TRPC4: variants seen among roughly 807,000 people sequenced by gnomAD.
The protein encoded by TRPC4 is transient receptor potential cation channel subfamily C member 4, also known as short transient receptor potential channel 4.
Under a neutral mutation model 99.4 loss-of-function variants are expected in TRPC4, and 49 were observed. The ratio of observed to expected loss-of-function variants is 0.49; its 90% CI spans 0.39 to 0.63. TRPC4 has a LOEUF of 0.63. Ranked by LOEUF, TRPC4 falls within the 20% of genes least tolerant of loss-of-function variation. The pLI, the probability that TRPC4 is intolerant of heterozygous loss-of-function variation, is 0.00. For missense variants in TRPC4, 898 were observed against 1,152.9 expected, an observed-to-expected ratio of 0.78 and a Z score of 3.20; for synonymous variants, 454 against 425.9, an observed-to-expected ratio of 1.07 and a Z score of -0.81.
intron 3 of TRPC4, among the ~76,000 whole-genome samples, chr13:37,744,331 G>T (rs1020723332): frequency 6.6e-6 from 1 of 152,058 alleles, no homozygotes; most frequent in African/African-American, 2.4e-5. Flanking sequence ...TCTTATCATT[G>T]TGTAGTAAAA....
intron 3 of TRPC4, among the ~76,000 whole-genome samples, chr13:37,724,398 A>T (rs1300891250): frequency 5.3e-5 from 8 of 152,208 alleles, no homozygotes; most frequent in Non-Finnish European, 1.2e-4. Context: ...TGAATTAGAA[A>T]TGGTAAAAAG....
intron 5 of TRPC4, among the ~76,000 whole-genome samples, chr13:37,673,959 C>T (rs1335052744): frequency 6.6e-6 from 1 of 152,066 alleles, no homozygotes; most frequent in African/African-American, 2.4e-5. Context: ...AGAGCAGTTA[C>T]TGTGAATAGT....
At chr13:37,638,787 A>G (rs1469759258) in intron 10 of TRPC4, among the ~76,000 whole-genome samples, 1 of 152,210 alleles carries the variant, frequency 6.6e-6, no homozygotes, top group African/African-American at 2.4e-5. Flanking sequence ...TCACTCTGGG[A>G]TCAGGTAAGT....
chr13:37,747,974 C>T (rs1329732508), intron 2 of TRPC4, among the ~76,000 whole-genome samples: 1 of 152,086 alleles, frequency 6.6e-6, no homozygotes, highest in African/African-American at 2.4e-5. Flanking sequence ...ACCAAGATGG[C>T]TCTTAAGTGA....
At position 37,721,915 on chromosome 13, in the gene TRPC4, G is replaced by T. The variant is rs564399376; in HGVS notation, c.897+24022C>A. ...GCCTCCCAAAATGCTGAGATGACAG[G>T]TGTGAGCCACCACACCTGTGGCCTA... On this transcript the variant is annotated intron_variant, in intron 3 of 10. Transcript: ENST00000379705. Among the ~76,000 whole-genome samples, 104 of 152,172 alleles carry T rather than the reference G, an allele frequency of 6.8e-4. 6 individuals carry two copies. The South Asian group carries it at 0.022, about 32-fold the overall frequency.
At chr13:37,845,662 G>T (rs1161460424) in intron 1 of TRPC4, among the ~76,000 whole-genome samples, 2 of 151,688 alleles carry the variant, frequency 1.3e-5, no homozygotes, top group Non-Finnish European at 2.9e-5. Context: ...GGGTCTATAG[G>T]AATTATGGAA....
intron 1 of TRPC4, among the ~76,000 whole-genome samples, chr13:37,859,182 A>G (rs1434908897): frequency 1.3e-5 from 2 of 151,164 alleles, no homozygotes; most frequent in African/African-American, 4.8e-5. Context: ...AATAAAATAT[A>G]CAGATTACAA....
At chr13:37,760,638 T>C (rs1956198670) in intron 2 of TRPC4, among the ~76,000 whole-genome samples, 3 of 151,968 alleles carry the variant, frequency 2.0e-5, no homozygotes, top group Admixed American at 1.3e-4. Context: ...CCACAGGCTG[T>C]ATGTGGCCCA....
chr13:37,843,183 G>C (rs958230130), intron 1 of TRPC4, among the ~76,000 whole-genome samples: 1 of 152,144 alleles, frequency 6.6e-6, no homozygotes, highest in Admixed American at 6.5e-5. Flanking sequence ...TCTAGAACTA[G>C]TTTTGTCATC....
intron 1 of TRPC4, among the ~76,000 whole-genome samples, chr13:37,825,569 G>A (rs2139562543): frequency 6.7e-6 from 1 of 150,176 alleles, no homozygotes; most frequent in East Asian, 2.0e-4. Context: ...CAGTTTCCAT[G>A]TAGTCCAGCG....
At chr13:37,766,557 G>T (rs1853728404) in intron 2 of TRPC4, among the ~76,000 whole-genome samples, 1 of 151,364 alleles carries the variant, frequency 6.6e-6, no homozygotes, top group South Asian at 2.1e-4. Context: ...AAATGTGCTG[G>T]TCCAAAATGC....
intron 1 of TRPC4, among the ~76,000 whole-genome samples, chr13:37,796,097 G>A (rs1957237395): frequency 6.6e-6 from 1 of 152,142 alleles, no homozygotes; most frequent in African/African-American, 2.4e-5. Context: ...AAGAGTTCTA[G>A]CAGAGATGCT....
intron 1 of TRPC4, among the ~76,000 whole-genome samples, chr13:37,835,117 A>G (rs898658619): frequency 6.6e-6 from 1 of 152,094 alleles, no homozygotes; most frequent in African/African-American, 2.4e-5. Flanking sequence ...ATAAAAGCAC[A>G]TTGGAATGTT....
intron 1 of TRPC4, among the ~76,000 whole-genome samples, chr13:37,848,162 CA>C (rs952979873): frequency 6.6e-6 from 1 of 151,896 alleles, no homozygotes; most frequent in African/African-American, 2.4e-5. Context: ...GAGTACATTT[CA>C]AATGTTTCAC....
intron 2 of TRPC4, among the ~76,000 whole-genome samples, chr13:37,748,697 A>G (rs942732806): frequency 1.5e-4 from 23 of 152,198 alleles, no homozygotes; most frequent in African/African-American, 3.9e-4. Context: ...TTCATTAACC[A>G]TAAAATATAT....
chr13:37,788,965 A>G (rs1171163850), intron 1 of TRPC4, among the ~76,000 whole-genome samples: 1 of 152,036 alleles, frequency 6.6e-6, no homozygotes, highest in African/African-American at 2.4e-5. Context: ...TAAAATGTTG[A>G]TGTTCATCAT....
intron 6 of TRPC4, 59 bp from the exon 7 acceptor site, chr13:37,655,342 T>C (rs970404737): frequency 3.2e-6 from 3 of 935,982 alleles, no homozygotes; most frequent in Non-Finnish European, 4.3e-6. Flanking sequence ...ATACATGGGA[T>C]AAAACAATAA....
At chr13:37,815,250 A>G (rs950904357) in intron 1 of TRPC4, among the ~76,000 whole-genome samples, 13 of 151,890 alleles carry the variant, frequency 8.6e-5, no homozygotes, top group Middle Eastern at 3.2e-3. Context: ...CACTGATACA[A>G]TCAAACCTGC....
At chr13:37,822,060 T>C (rs555875932) in intron 1 of TRPC4, among the ~76,000 whole-genome samples, 4 of 152,088 alleles carry the variant, frequency 2.6e-5, no homozygotes, top group Non-Finnish European at 5.9e-5. Context: ...AAAAAATGCA[T>C]TTGACAAAGG....
Sources: allele counts gnomAD v4.1 joint callset (sites outside exome capture counted in the v4.1 genomes callset), GRCh38; gene constraint gnomAD v4.1.1; transcripts MANE v1.5; gene names NCBI Gene and HGNC (gene_info 2026-07-23, HGNC 2026-07-21).